The following NFAT5 variants were observed in gnomAD, a reference collection of about 807,000 sequenced individuals.
NFAT5 encodes the protein nuclear factor of activated T-cells 5.
A neutral mutation model predicts 166.5 loss-of-function variants in NFAT5; 31 were observed. The ratio of observed to expected loss-of-function variants is 0.19; its 90% CI spans 0.14 to 0.25. NFAT5 has a LOEUF of 0.25. Among genes scored for constraint, NFAT5 ranks in the 10% least tolerant of loss-of-function variants. NFAT5 has a pLI of 1.00. For missense variants in NFAT5, 1,449 were observed against 1,821.8 expected (o/e 0.80, Z 3.72); for synonymous variants, 612 against 639.7 (o/e 0.96, Z 0.65).
intron 5 of NFAT5, among the ~76,000 whole-genome samples, chr16:69,654,094 T>G (rs894040382): frequency 6.6e-6 from 1 of 152,268 alleles, no homozygotes; most frequent in Non-Finnish European, 1.5e-5. Flanking sequence ...TAAAAGGGAC[T>G]TAAATTTTAG....
At chr16:69,582,062 C>T (rs771009870) in intron 2 of NFAT5, among the ~76,000 whole-genome samples, 6 of 152,084 alleles carry the variant, frequency 3.9e-5, no homozygotes, top group Non-Finnish European at 5.9e-5. Flanking sequence ...GTCAGGAGTT[C>T]AGGACCAGGC....
intron 2 of NFAT5, among the ~76,000 whole-genome samples, chr16:69,592,548 T>C (rs2032533277): frequency 2.0e-5 from 3 of 152,194 alleles, no homozygotes; most frequent in Non-Finnish European, 2.9e-5. Context: ...TCTCAAGTCT[T>C]GACTAAAATG....
intron 4 of NFAT5, among the ~76,000 whole-genome samples, chr16:69,650,778 C>T (rs1350774861): frequency 6.6e-6 from 1 of 152,092 alleles, no homozygotes; most frequent in Non-Finnish European, 1.5e-5. Context: ...CTGCTATTAT[C>T]ATTTTGCAGT....
chr16:69,611,081 AT>A (rs1235447125), intron 2 of NFAT5, among the ~76,000 whole-genome samples: 1 of 152,210 alleles, frequency 6.6e-6, no homozygotes, highest in Non-Finnish European at 1.5e-5. Flanking sequence ...TGAATTTAAT[AT>A]TAGACTGTCT....
chr16:69,624,787 T>A (rs770897855), intron 2 of NFAT5, among the ~76,000 whole-genome samples: 1 of 152,136 alleles, frequency 6.6e-6, no homozygotes, highest in Non-Finnish European at 1.5e-5. Flanking sequence ...ATTAATAATC[T>A]TCTTCAATTT....
chr16:69,602,412 A>G, intron 2 of NFAT5, among the ~76,000 whole-genome samples: 1 of 151,586 alleles, frequency 6.6e-6, no homozygotes, highest in East Asian at 1.9e-4. Context: ...GATTACAGGC[A>G]TGTGCCACCA....
intron 2 of NFAT5, among the ~76,000 whole-genome samples, chr16:69,580,882 C>T (rs150830331): frequency 0.029 from 4,351 of 152,064 alleles, 85 homozygotes; most frequent in Non-Finnish European, 0.04. Flanking sequence ...GTCTCGATCT[C>T]CTGAACTCTT....
intron 8 of NFAT5, 38 bp from the exon 9 acceptor site, chr16:69,670,198 G>A (rs759020920): frequency 1.3e-6 from 2 of 1,556,004 alleles, no homozygotes; most frequent in Non-Finnish European, 1.7e-6. Context: ...AAAAAAAATA[G>A]TTCAAAAATT....
chr16:69,615,491 G>T (rs374532742), intron 2 of NFAT5, among the ~76,000 whole-genome samples: 2 of 152,100 alleles, frequency 1.3e-5, no homozygotes, highest in African/African-American at 4.8e-5. Context: ...TACTTTTGGG[G>T]TGCTGCTTCT....
At position 69,703,076 on chromosome 16, in the gene NFAT5, A is replaced by G. The variant is rs775600802; in HGVS notation, c.*6725A>G. 17 of 152,646 alleles carry G rather than the reference A, an allele frequency of 1.1e-4. No individual in the cohort carries two copies. Among genetic ancestry groups the G allele is most frequent in the Non-Finnish European group, 1.9e-4 (13 of 68,030 alleles). The allele number at this position is 152,646 out of a possible 1,614,324, so 9.5% of individuals were successfully genotyped here. Reference sequence around the variant, plus strand: ...TCTCCTGTTTATCCATAAAATGGGTACATTATGGGCAGTGTAATACAAGCT... The same window carrying G: ...TCTCCTGTTTATCCATAAAATGGGTGCATTATGGGCAGTGTAATACAAGCT... On this transcript the variant is annotated 3_prime_UTR_variant, in exon 15 of 15. Coordinates refer to ENST00000349945, the MANE Select transcript of NFAT5 (RefSeq NM_138713.4).
At chr16:69,646,380 A>G (rs1225321407) in intron 3 of NFAT5, 2 of 253,316 alleles carry the variant, frequency 7.9e-6, no homozygotes, top group East Asian at 2.5e-4. Context: ...ACAACAAATC[A>G]TAGTGACAAT....
In NFAT5 at chr16:69,692,880, C is replaced by A; in HGVS notation, c.3055C>A (p.Gln1019Lys). Residue 1019 changes from glutamine to lysine, a missense_variant, in exon 13 of 15, where the codon CAG (glutamine) becomes AAG (lysine). Physicochemically the swap from Gln to Lys is moderately conservative, Grantham distance 53. Coordinates refer to ENST00000349945, the MANE Select transcript of NFAT5 (RefSeq NM_138713.4). ...EETGTQAKQI[Q>K]NSVFQTMVQM... ...AACTGGAACACAAGCAAAACAGATT[C>A]AGAACAGTGTCTTTCAGACCATGGT... 1 of 1,614,202 alleles carries A rather than the reference C, an allele frequency of 6.2e-7. No individual in the cohort carries two copies. Among genetic ancestry groups the A allele is most frequent in the Non-Finnish European group, 8.5e-7 (1 of 1,180,036 alleles).
At chr16:69,615,340 C>G (rs535565252) in intron 2 of NFAT5, among the ~76,000 whole-genome samples, 47 of 152,286 alleles carry the variant, frequency 3.1e-4, no homozygotes, top group Admixed American at 3.1e-3. Flanking sequence ...CGCACCCAAC[C>G]CATGCTGTCT....
Position 69,612,125 on chromosome 16 carries a change from G to A in NFAT5, c.128-14278G>A, listed in dbSNP as rs117962402. On this transcript the variant is annotated intron_variant, in intron 2 of 14. Coordinates refer to ENST00000349945, the MANE Select transcript of NFAT5 (RefSeq NM_138713.4). ...TAATATTAAAATTAGAAGTTTTCTT[G>A]AAGCTTGTTTTACAACTTAGAATTA... 5.2e-4 allele frequency among the ~76,000 whole-genome samples: 79 copies of A among 152,178 alleles called. No individual in the cohort carries two copies. The East Asian group carries it at 0.013, about 26-fold the overall frequency.
chr16:69,597,846 G>A (rs913141601), intron 2 of NFAT5, among the ~76,000 whole-genome samples: 1 of 152,070 alleles, frequency 6.6e-6, no homozygotes, highest in Admixed American at 6.5e-5. Flanking sequence ...ACCTGCCTCA[G>A]CCTCCCAAAG....
chr16:69,648,399 A>G (rs1267212382), intron 4 of NFAT5: 6 of 981,858 alleles, frequency 6.1e-6, no homozygotes, highest in Middle Eastern at 5.2e-4. Context: ...AGATTCATGT[A>G]TCATAAGCTT....
In NFAT5 at chr16:69,682,441, C is replaced by A. The variant is rs140577176; in HGVS notation, c.1691-2446C>A. Among the ~76,000 whole-genome samples, 59 of 151,116 alleles carry A rather than the reference C, an allele frequency of 3.9e-4. 1 individual carries two copies. The highest frequency in any genetic ancestry group is 9.9e-4 in the Admixed American group (15 of 15,166). On this transcript the variant is annotated intron_variant, in intron 10 of 14. Coordinates refer to ENST00000349945, the MANE Select transcript of NFAT5 (RefSeq NM_138713.4). ...TGGGCGATATAGTGAGACCCCCCCC[C>A]CCGCCATCCCTACAAAGAAAAAATA...
At chr16:69,645,887 G>C (rs1429752258) in intron 3 of NFAT5, among the ~76,000 whole-genome samples, 1 of 152,158 alleles carries the variant, frequency 6.6e-6, no homozygotes, top group African/African-American at 2.4e-5. Context: ...ATGCTGTTAA[G>C]GGCTAAAGTA....
intron 2 of NFAT5, among the ~76,000 whole-genome samples, chr16:69,618,171 A>AT (rs927438393): frequency 2.0e-5 from 3 of 152,084 alleles, no homozygotes; most frequent in Non-Finnish European, 2.9e-5. Context: ...AAAAAAAAAA[A>AT]AAAACTCTGT....
Sources: allele counts gnomAD v4.1 joint callset (sites outside exome capture counted in the v4.1 genomes callset), GRCh38; gene constraint gnomAD v4.1.1; transcripts MANE v1.5; gene names NCBI Gene and HGNC (gene_info 2026-07-23, HGNC 2026-07-21).